The following ZFAND3 variants were observed in gnomAD, a reference collection of about 807,000 sequenced individuals.
ZFAND3 encodes zinc finger AN1-type containing 3.
A neutral mutation model predicts 29.6 loss-of-function variants in ZFAND3; 10 were observed. The ratio of observed to expected loss-of-function variants is 0.34; its 90% CI spans 0.21 to 0.57. The LOEUF is 0.57. Ranked by LOEUF, ZFAND3 falls within the 20% of genes least tolerant of loss-of-function variation. The probability of loss-of-function intolerance (pLI) is 0.86; values close to 1 mark genes in which losing one functional copy is unlikely to be tolerated. For synonymous variants in ZFAND3, 128 were observed against 112.6 expected (o/e 1.14, Z -0.87); for missense variants, 230 against 304.5 (o/e 0.76, Z 1.82).
chr6:38,054,392 T>C (rs1244522462), intron 2 of ZFAND3, among the ~76,000 whole-genome samples: 1 of 118,772 alleles, frequency 8.4e-6, no homozygotes, highest in African/African-American at 2.7e-5. Context: ...AGACCCTGTC[T>C]CAAATTAAAA....
At chr6:38,120,448 C>G (rs1765512030) in intron 5 of ZFAND3, among the ~76,000 whole-genome samples, 1 of 149,982 alleles carries the variant, frequency 6.7e-6, no homozygotes, top group Non-Finnish European at 1.5e-5. Flanking sequence ...GCCTCAGCCT[C>G]CCTAGTAGCT....
chr6:37,875,476 T>C (rs951640084), intron 1 of ZFAND3, among the ~76,000 whole-genome samples: 4 of 152,232 alleles, frequency 2.6e-5, no homozygotes, highest in African/African-American at 4.8e-5. Context: ...AAATGATTTT[T>C]TTTTTTGGCC....
chr6:38,130,133 G>C (rs1765715046), intron 5 of ZFAND3, among the ~76,000 whole-genome samples: 2 of 151,788 alleles, frequency 1.3e-5, no homozygotes, highest in Admixed American at 1.3e-4. Context: ...CTTTATTTGA[G>C]AGCTACTGAT....
At chr6:37,827,568 A>G (rs539210712) in intron 1 of ZFAND3, among the ~76,000 whole-genome samples, 114 of 152,336 alleles carry the variant, frequency 7.5e-4, no homozygotes, top group African/African-American at 2.6e-3. Flanking sequence ...ATATAGAGAA[A>G]GGTGGGGTAT....
At chr6:38,031,538 G>A (rs996795413) in intron 2 of ZFAND3, among the ~76,000 whole-genome samples, 2 of 151,914 alleles carry the variant, frequency 1.3e-5, no homozygotes, top group Non-Finnish European at 2.9e-5. Context: ...TCTTTCTTTC[G>A]TGCTGGAGGA....
At chr6:38,072,569 TGTAG>T (rs1764478000) in intron 3 of ZFAND3, among the ~76,000 whole-genome samples, 1 of 152,238 alleles carries the variant, frequency 6.6e-6, no homozygotes, top group Admixed American at 6.5e-5. Flanking sequence ...TTTTATTTTG[TGTAG>T]GTACAAGTAA....
At chr6:37,996,793 A>C (rs191708144) in intron 2 of ZFAND3, among the ~76,000 whole-genome samples, 1 of 152,292 alleles carries the variant, frequency 6.6e-6, no homozygotes, top group Middle Eastern at 3.4e-3. Flanking sequence ...CTTATATTCT[A>C]CAATATGAGA....
intron 1 of ZFAND3, among the ~76,000 whole-genome samples, chr6:37,896,514 T>TTTTCTTTTCTTTTC (rs71542145): frequency 9.2e-6 from 1 of 109,100 alleles, no homozygotes; most frequent in African/African-American, 3.7e-5. Context: ...TTCCTCTTTC[T>TTTTCTTTTCTTTTC]TTTCTTTCTT....
chr6:38,149,702 A>C (rs1766183270), intron 5 of ZFAND3, among the ~76,000 whole-genome samples: 1 of 152,122 alleles, frequency 6.6e-6, no homozygotes, highest in Non-Finnish European at 1.5e-5. Context: ...AACATGGAGA[A>C]GGGGGGCCAG....
chr6:38,024,592 A>ATATC (rs1763411589), intron 2 of ZFAND3, among the ~76,000 whole-genome samples: 1 of 152,156 alleles, frequency 6.6e-6, no homozygotes, highest in Non-Finnish European at 1.5e-5. Context: ...AAATGGTGGT[A>ATATC]TATCCATACA....
intron 2 of ZFAND3, among the ~76,000 whole-genome samples, chr6:38,053,901 A>G (rs1016734889): frequency 1.3e-5 from 2 of 151,968 alleles, no homozygotes; most frequent in East Asian, 1.9e-4. Flanking sequence ...GTGAATGTTG[A>G]TATCATCTGA....
chr6:37,897,217 C>T lies in ZFAND3; in HGVS notation c.72-32742C>T, dbSNP rs1167219819. 3.9e-5 allele frequency among the ~76,000 whole-genome samples: 6 copies of T among 152,272 alleles called. 1 individual carries two copies. Among genetic ancestry groups the T allele is most frequent in the Middle Eastern group, 6.8e-3 (2 of 294 alleles). On this transcript the variant is annotated intron_variant, in intron 1 of 5. Coordinates refer to ENST00000287218, the MANE Select transcript of ZFAND3 (RefSeq NM_021943.3). ...TCTTCTACTTAAAGCCTTGTCTGTA[C>T]GTAACTATTATTTTGATCTCTATCA...
intron 1 of ZFAND3, among the ~76,000 whole-genome samples, chr6:37,890,790 A>G (rs911217152): frequency 1.3e-5 from 2 of 152,220 alleles, no homozygotes; most frequent in Non-Finnish European, 2.9e-5. Flanking sequence ...TTGAATATCA[A>G]CATATAGAAC....
intron 2 of ZFAND3, among the ~76,000 whole-genome samples, chr6:37,980,343 G>C (rs1762558596): frequency 1.3e-5 from 2 of 152,194 alleles, no homozygotes; most frequent in African/African-American, 4.8e-5. Context: ...TTTTGTGTCA[G>C]ACTAGGCAAA....
chr6:37,972,529 A>G lies in ZFAND3; in HGVS notation c.112+42530A>G, dbSNP rs536486218. On this transcript the variant is annotated intron_variant, in intron 2 of 5. Transcript: ENST00000287218. ...GAGACTGTTCATTTTGAGGATCTGT[A>G]AAGAGTTAGGACTTACCAGGTATGA... 3.3e-5 allele frequency among the ~76,000 whole-genome samples: 5 copies of G among 152,330 alleles called. No homozygotes were observed. The East Asian group carries it at 9.6e-4, about 29-fold the overall frequency.
chr6:38,060,764 T>G (rs1277646656), intron 2 of ZFAND3, among the ~76,000 whole-genome samples: 1 of 151,534 alleles, frequency 6.6e-6, no homozygotes. Context: ...TCATTTATAT[T>G]TATTTGCCAG....
At chr6:37,875,760 G>C (rs1764781911) in intron 1 of ZFAND3, among the ~76,000 whole-genome samples, 1 of 151,692 alleles carries the variant, frequency 6.6e-6, no homozygotes, top group African/African-American at 2.4e-5. Context: ...TTTCGCTCAA[G>C]TGATCCTCCC....
chr6:37,965,166 A>T (rs575846489), intron 2 of ZFAND3, among the ~76,000 whole-genome samples: 4 of 151,468 alleles, frequency 2.6e-5, no homozygotes, highest in South Asian at 4.1e-4. Flanking sequence ...CCTGATTTTT[A>T]TTATTATATT....
chr6:38,096,382 A>G (rs944309104), intron 4 of ZFAND3, among the ~76,000 whole-genome samples: 1 of 152,126 alleles, frequency 6.6e-6, no homozygotes, highest in African/African-American at 2.4e-5. Context: ...CATATTGGCC[A>G]GGCTGATCTC....
Sources: allele counts gnomAD v4.1 joint callset (sites outside exome capture counted in the v4.1 genomes callset), GRCh38; gene constraint gnomAD v4.1.1; transcripts MANE v1.5; gene names NCBI Gene and HGNC (gene_info 2026-07-23, HGNC 2026-07-21).